Variants in KLF8 observed in about 807,000 individuals in gnomAD.
The protein encoded by KLF8 is Krueppel-like factor 8.
In KLF8, 10 loss-of-function variants were observed where a neutral mutation model predicts 18.2. The observed-to-expected ratio is 0.55, with a 90% confidence interval of 0.34 to 0.93. The LOEUF (loss-of-function observed/expected upper bound fraction) is 0.93. KLF8 is among the 40% of genes least tolerant of loss of function. The pLI, the probability that KLF8 is intolerant of heterozygous loss-of-function variation, is 0.02. For missense variants in KLF8, 264 were observed against 277.9 expected, an observed-to-expected ratio of 0.95 and a Z score of 0.36; for synonymous variants, 109 against 97.3, an observed-to-expected ratio of 1.12 and a Z score of -0.71.
chrX:55,914,177 A>T, the KLF8 span, among the ~76,000 whole-genome samples: 3 of 111,856 alleles, frequency 2.7e-5, no homozygotes, highest in African/African-American at 9.8e-5. Context: ...GCTTTGGTTT[A>T]ATTAAATCTG....
At chrX:56,272,786 C>G (rs1356418806) in intron 5 of KLF8, among the ~76,000 whole-genome samples, 3 of 111,226 alleles carry the variant, frequency 2.7e-5, no homozygotes, top group African/African-American at 9.8e-5. Flanking sequence ...CATCTGTTTG[C>G]TTTTGTTTTG....
chrX:56,167,393 G>T, the KLF8 span, among the ~76,000 whole-genome samples: 1 of 112,112 alleles, frequency 8.9e-6, no homozygotes, highest in Non-Finnish European at 1.9e-5. Context: ...GCCTCCCAAA[G>T]TGCTGGGATT....
At chrX:56,179,872 T>C in the KLF8 span, among the ~76,000 whole-genome samples, 44 of 112,018 alleles carry the variant, frequency 3.9e-4, no homozygotes, top group African/African-American at 1.4e-3. Flanking sequence ...CTTTTTGATG[T>C]GCTTCTGGAT....
chrX:56,066,668 G>T, the KLF8 span, among the ~76,000 whole-genome samples: 2 of 111,708 alleles, frequency 1.8e-5, no homozygotes, highest in Non-Finnish European at 3.8e-5. Context: ...GCACTAGCCA[G>T]CAGTGGTACC....
At chrX:56,132,871 A>G in the KLF8 span, among the ~76,000 whole-genome samples, 7 of 111,782 alleles carry the variant, frequency 6.3e-5, no homozygotes, top group African/African-American at 2.3e-4. Context: ...AGATCATTCA[A>G]GGCTACTATG....
the KLF8 span, among the ~76,000 whole-genome samples, chrX:55,999,424 G>A: frequency 2.8e-5 from 3 of 107,315 alleles, no homozygotes; most frequent in African/African-American, 1.0e-4. Flanking sequence ...GATTGCTTTG[G>A]GCAGTATGGT....
At chrX:56,207,392 C>G in the KLF8 span, among the ~76,000 whole-genome samples, 1 of 112,163 alleles carries the variant, frequency 8.9e-6, no homozygotes, top group East Asian at 2.8e-4. Context: ...CAATTGCAAA[C>G]CATATCTTTG....
At chrX:56,153,628 G>A in the KLF8 span, among the ~76,000 whole-genome samples, 35 of 111,365 alleles carry the variant, frequency 3.1e-4, no homozygotes, top group Non-Finnish European at 6.2e-4. Context: ...TAGGAAAAGA[G>A]GAAGTCAAAT....
chrX:56,158,963 C>T, the KLF8 span, among the ~76,000 whole-genome samples: 1 of 111,622 alleles, frequency 9.0e-6, no homozygotes, highest in African/African-American at 3.3e-5. Flanking sequence ...CTGTCTTGTG[C>T]CAGTTTTCAA....
the KLF8 span, among the ~76,000 whole-genome samples, chrX:56,040,182 T>C: frequency 9.0e-6 from 1 of 111,663 alleles, no homozygotes; most frequent in Non-Finnish European, 1.9e-5. Context: ...CAAAGATAAT[T>C]TGAGTTCCTC....
the KLF8 span, among the ~76,000 whole-genome samples, chrX:56,171,319 T>C: frequency 8.9e-6 from 1 of 112,200 alleles, no homozygotes; most frequent in East Asian, 2.8e-4. Flanking sequence ...TTGATTATTT[T>C]CTTTTTATGA....
chrX:56,195,434 C>T, the KLF8 span, among the ~76,000 whole-genome samples: 1 of 111,838 alleles, frequency 8.9e-6, no homozygotes, highest in Non-Finnish European at 1.9e-5. Context: ...CTTCGTGACA[C>T]GTGCACAAGC....
upstream of KLF8, among the ~76,000 whole-genome samples, chrX:56,230,586 T>C (rs1488171044): frequency 9.0e-6 from 1 of 111,499 alleles, no homozygotes; most frequent in African/African-American, 3.3e-5. Flanking sequence ...CAAATACATA[T>C]GCATGTGTAT....
At chrX:56,053,248 C>G in the KLF8 span, among the ~76,000 whole-genome samples, 2 of 112,274 alleles carry the variant, frequency 1.8e-5, no homozygotes, top group African/African-American at 3.2e-5. Context: ...ACGCTGGGAG[C>G]TGTTCCTATT....
chrX:55,944,028 G>C, the KLF8 span, among the ~76,000 whole-genome samples: 9 of 112,441 alleles, frequency 8.0e-5, no homozygotes, highest in African/African-American at 2.6e-4. Context: ...GACTCCTTGA[G>C]AGTTTTTAGC....
At chrX:55,989,536 C>A in the KLF8 span, among the ~76,000 whole-genome samples, 1 of 112,448 alleles carries the variant, frequency 8.9e-6, no homozygotes, top group Admixed American at 9.4e-5. Flanking sequence ...ACCAGCCTTG[C>A]ATCCCAGGGA....
the KLF8 span, among the ~76,000 whole-genome samples, chrX:56,190,804 G>C: frequency 9.0e-6 from 1 of 111,170 alleles, no homozygotes; most frequent in Non-Finnish European, 1.9e-5. Flanking sequence ...AAACCTATGG[G>C]ATACAGCAAA....
At chrX:56,086,648 TA>T in the KLF8 span, among the ~76,000 whole-genome samples, 2 of 111,187 alleles carry the variant, frequency 1.8e-5, no homozygotes, top group African/African-American at 6.5e-5. Context: ...GTTTATAAAA[TA>T]AATATATAGG....
chrX:56,266,169 A>T, intron 3 of KLF8: 2 of 760,591 alleles, frequency 2.6e-6, no homozygotes, highest in Non-Finnish European at 1.6e-6. Flanking sequence ...TGTTTATTTT[A>T]TGCCATTCAG....
Sources: allele counts gnomAD v4.1 joint callset (sites outside exome capture counted in the v4.1 genomes callset), GRCh38; gene constraint gnomAD v4.1.1; transcripts MANE v1.5; gene names NCBI Gene and HGNC (gene_info 2026-07-23, HGNC 2026-07-21).